The following MICU2 variants were observed in gnomAD, a reference collection of about 807,000 sequenced individuals.
MICU2 encodes the protein calcium uptake protein 2, mitochondrial.
Under a neutral mutation model 60.4 loss-of-function variants are expected in MICU2, and 64 were observed. The observed-to-expected ratio is 1.06, with a 90% CI of 0.87 to 1.31. MICU2 has a LOEUF of 1.31. Ranked by LOEUF, MICU2 falls within the 50% of genes most tolerant of loss-of-function variation. The pLI, the probability that MICU2 is intolerant of heterozygous loss-of-function variation, is 0.00. For synonymous variants in MICU2, 201 were observed against 175.0 expected, an observed-to-expected ratio of 1.15 and a Z score of -1.17; for missense variants, 569 against 531.0, an observed-to-expected ratio of 1.07 and a Z score of -0.70.
chr13:21,520,659 T>TG (rs1886694557), intron 6 of MICU2, among the ~76,000 whole-genome samples: 1 of 123,788 alleles, frequency 8.1e-6, no homozygotes, highest in South Asian at 3.0e-4. Flanking sequence ...GAGGTTTTTT[T>TG]GTTTTTTTTT....
chr13:21,523,902 G>C (rs1183599237), intron 4 of MICU2, among the ~76,000 whole-genome samples: 1 of 152,204 alleles, frequency 6.6e-6, no homozygotes, highest in Non-Finnish European at 1.5e-5. Context: ...GGAACTGCCA[G>C]AAGCCAGTAT....
chr13:21,517,804 C>T (rs1035148013), intron 6 of MICU2, among the ~76,000 whole-genome samples: 12 of 43,476 alleles, frequency 2.8e-4, no homozygotes, highest in African/African-American at 4.2e-4. Context: ...CACACACGCG[C>T]GCGCGCGCGC....
rs115503037 is a variant in MICU2 at position 21,582,986 on chromosome 13, T to C, written c.211-16042A>G. 9.5e-3 allele frequency: 1,463 copies of C among 154,318 alleles called. 14 individuals carry two copies. Among genetic ancestry groups the C allele is most frequent in the African/African-American group, 0.032 (1,343 of 41,628 alleles). The allele number at this position is 154,318 out of a possible 1,614,324, so 9.6% of individuals were successfully genotyped here. A position where few individuals can be genotyped will look rare whatever the true frequency, so the allele number is the denominator to read the frequency against. Reference sequence around the variant, plus strand: ...TTTCTTTTGCAGCGTGGAAACTTCATTTATAACCATTTCTTCAGTGTTTCA... The same window carrying C: ...TTTCTTTTGCAGCGTGGAAACTTCACTTATAACCATTTCTTCAGTGTTTCA... On this transcript the variant is annotated intron_variant, in intron 1 of 11. Coordinates refer to ENST00000382374, the MANE Select transcript of MICU2 (RefSeq NM_152726.3).
At chr13:21,560,354 G>T (rs933924596) in intron 2 of MICU2, among the ~76,000 whole-genome samples, 1 of 151,324 alleles carries the variant, frequency 6.6e-6, no homozygotes, top group African/African-American at 2.4e-5. Context: ...AGTACCATTC[G>T]TTGAACAGTC....
At chr13:21,538,787 T>C (rs1182959659) in intron 4 of MICU2, among the ~76,000 whole-genome samples, 1 of 152,126 alleles carries the variant, frequency 6.6e-6, no homozygotes. Flanking sequence ...AGGGGGGTCC[T>C]GGAATCAATA....
chr13:21,501,491 T>C (rs977668302), intron 9 of MICU2, among the ~76,000 whole-genome samples: 2 of 152,168 alleles, frequency 1.3e-5, no homozygotes, highest in African/African-American at 4.8e-5. Context: ...CTTGATCTCC[T>C]GACCTCATGA....
At chr13:21,545,539 G>A (rs941512591) in intron 2 of MICU2, among the ~76,000 whole-genome samples, 1 of 152,094 alleles carries the variant, frequency 6.6e-6, no homozygotes, top group Non-Finnish European at 1.5e-5. Context: ...AAAATTGATG[G>A]GTGTGGTGGC....
intron 6 of MICU2, chr13:21,515,570 GA>G: frequency 2.3e-6 from 1 of 434,594 alleles, no homozygotes; most frequent in Non-Finnish European, 4.6e-6. Flanking sequence ...TCCTCATATG[GA>G]AAGCAAATTT....
chr13:21,554,787 T>C (rs1887661541), intron 2 of MICU2, among the ~76,000 whole-genome samples: 1 of 151,464 alleles, frequency 6.6e-6, no homozygotes, highest in Non-Finnish European at 1.5e-5. Context: ...GCAAGACTAA[T>C]AAAGAAGAGA....
At chr13:21,564,388 T>C (rs1338561321) in intron 2 of MICU2, among the ~76,000 whole-genome samples, 1 of 152,144 alleles carries the variant, frequency 6.6e-6, no homozygotes, top group African/African-American at 2.4e-5. Context: ...TTCTCCCCCG[T>C]TGTCTTTTCT....
intron 4 of MICU2, among the ~76,000 whole-genome samples, chr13:21,528,806 A>T (rs1448185426): frequency 6.6e-6 from 1 of 152,200 alleles, no homozygotes; most frequent in East Asian, 1.9e-4. Flanking sequence ...CAGGGGAGGG[A>T]ACAATTCTTT....
intron 6 of MICU2, among the ~76,000 whole-genome samples, chr13:21,517,807 GCGCGCGCACA>G (rs779975971): frequency 4.0e-5 from 6 of 149,892 alleles, no homozygotes; most frequent in Non-Finnish European, 5.9e-5. Context: ...ACACGCGCGC[GCGCGCGCACA>G]CGCGCTACAT....
intron 1 of MICU2, among the ~76,000 whole-genome samples, chr13:21,596,181 C>A (rs370618697): frequency 1.3e-5 from 2 of 152,140 alleles, no homozygotes; most frequent in Admixed American, 6.5e-5. Flanking sequence ...CTTAAAACCA[C>A]GGGAGCCTTG....
intron 1 of MICU2, among the ~76,000 whole-genome samples, chr13:21,577,481 C>A (rs1233835544): frequency 1.3e-5 from 2 of 151,840 alleles, no homozygotes; most frequent in Non-Finnish European, 2.9e-5. Flanking sequence ...ACAGCAAGAC[C>A]CTGTTTCTAC....
chr13:21,604,133 C>G lies in MICU2; in HGVS notation c.16G>C (p.Gly6Arg). 1 of 1,561,116 alleles carries G rather than the reference C, an allele frequency of 6.4e-7. No homozygotes were observed. The highest frequency in any genetic ancestry group is 8.6e-7 in the Non-Finnish European group (1 of 1,156,170). ...CAGGCCGCCACCCGCGCGCAGCTAC[C>G]CGCAGCCGCCGCCATCTTTGCGGAA... MAAAA[G>R]SCARVAAWGG... Residue 6 changes from glycine (G) to arginine (R), a missense_variant, in exon 1 of 12, where the codon GGT becomes CGT. By Grantham distance (125) the Gly-to-Arg change is moderately radical. Transcript: ENST00000382374.
intron 7 of MICU2, among the ~76,000 whole-genome samples, chr13:21,511,680 C>G (rs780217976): frequency 1.3e-5 from 2 of 151,958 alleles, no homozygotes; most frequent in Non-Finnish European, 2.9e-5. Context: ...TATAGCTACA[C>G]CAGCTTTCCT....
At chr13:21,556,353 A>G (rs1887708634) in intron 2 of MICU2, among the ~76,000 whole-genome samples, 1 of 152,144 alleles carries the variant, frequency 6.6e-6, no homozygotes, top group Non-Finnish European at 1.5e-5. Context: ...CCTACCTTTT[A>G]GCTGCTCCTT....
In MICU2 at chr13:21,604,137, A is replaced by T; in HGVS notation, c.12T>A (p.Ala4=). The change falls in exon 1 of 12, where the codon GCT becomes GCA. Residue 4 remains alanine (A), a synonymous_variant. Transcript: ENST00000382374. The part of the protein sequence containing the change: MAA[A]AGSCARVAAW... ...CCGCCACCCGCGCGCAGCTACCCGCAGCCGCCGCCATCTTTGCGGAAGCGC... is the reference window on the plus strand; with the variant it reads ...CCGCCACCCGCGCGCAGCTACCCGCTGCCGCCGCCATCTTTGCGGAAGCGC... 5 of 1,559,836 alleles carry T rather than the reference A, an allele frequency of 3.2e-6. No homozygotes were observed. The highest frequency in any genetic ancestry group is 4.3e-6 in the Non-Finnish European group (5 of 1,155,612).
intron 1 of MICU2, 148 bp from the exon 2 acceptor site, chr13:21,567,092 C>T: frequency 1.5e-6 from 1 of 651,480 alleles, no homozygotes; most frequent in Non-Finnish European, 2.5e-6. Context: ...TAACTGAGTG[C>T]CTACTTCGCA....
Sources: gnomAD v4.1 joint callset for allele counts (sites outside exome capture counted in the v4.1 genomes callset) on GRCh38, gnomAD v4.1.1 for gene constraint, MANE v1.5 for transcripts, NCBI Gene and HGNC (gene_info 2026-07-23, HGNC 2026-07-21) for gene names.